DENND2A: variants seen among roughly 807,000 people sequenced by gnomAD.
The protein encoded by DENND2A is DENN domain-containing protein 2A.
A neutral mutation model predicts 105.3 loss-of-function variants in DENND2A; 53 were observed. The observed-to-expected ratio is 0.50, with a 90% CI of 0.40 to 0.63. The LOEUF is 0.63. Ranked by LOEUF, DENND2A falls within the 30% of genes least tolerant of loss-of-function variation. The pLI is 0.00. For missense variants in DENND2A, 1,138 were observed against 1,279.6 expected (o/e 0.89, Z 1.69); for synonymous variants, 522 against 508.4 (o/e 1.03, Z -0.36).
In DENND2A at chr7:140,519,094, C is replaced by T. The variant is rs190331642; in HGVS notation, c.2999-356G>A. Among the ~76,000 whole-genome samples, 193 of 152,304 alleles carry T rather than the reference C, an allele frequency of 1.3e-3. 1 individual carries two copies. Among genetic ancestry groups the T allele is most frequent in the Middle Eastern group, 0.01 (3 of 294 alleles). ...AACACTCTGCTTCCAGGTAGCCCTC[C>T]GTCCTGCAGGAGGCACAGATATGGC... is the stretch of plus-strand genomic sequence containing the variant. On this transcript the variant is annotated intron_variant, in intron 19 of 19. Coordinates refer to ENST00000496613, the MANE Select transcript of DENND2A (RefSeq NM_015689.5).
chr7:140,608,675 TAA>T (rs11358052), intron 1 of DENND2A, among the ~76,000 whole-genome samples: 7,970 of 137,412 alleles, frequency 0.058, 700 homozygotes, highest in African/African-American at 0.19. Flanking sequence ...GACTCTGTCT[TAA>T]AAAAAAAAAA....
chr7:140,619,189 T>C (rs1800191732), intron 1 of DENND2A, among the ~76,000 whole-genome samples: 1 of 152,210 alleles, frequency 6.6e-6, no homozygotes, highest in Admixed American at 6.6e-5. Context: ...CTGTTACTTA[T>C]AATATTGAAA....
chr7:140,594,925 A>G (rs1482725860), intron 3 of DENND2A, among the ~76,000 whole-genome samples: 1 of 152,078 alleles, frequency 6.6e-6, no homozygotes, highest in Non-Finnish European at 1.5e-5. Flanking sequence ...CATGTTGGCC[A>G]GGAAGGTCTC....
chr7:140,541,956 T>A (rs547735515), intron 14 of DENND2A, among the ~76,000 whole-genome samples: 2 of 152,244 alleles, frequency 1.3e-5, no homozygotes, highest in East Asian at 3.9e-4. Context: ...ATCTACGGAG[T>A]TTGTCCCTTC....
At chr7:140,529,882 T>C (rs938163909) in intron 14 of DENND2A, among the ~76,000 whole-genome samples, 7 of 152,096 alleles carry the variant, frequency 4.6e-5, no homozygotes, top group African/African-American at 1.7e-4. Flanking sequence ...ACATGGCACA[T>C]GTATACGTAT....
intron 14 of DENND2A, among the ~76,000 whole-genome samples, chr7:140,529,943 T>C (rs886096794): frequency 6.6e-6 from 1 of 150,668 alleles, no homozygotes. Flanking sequence ...AAAAGTATAA[T>C]AAAACAAAAC....
intron 14 of DENND2A, among the ~76,000 whole-genome samples, chr7:140,528,598 C>T (rs1307061206): frequency 3.3e-5 from 5 of 151,056 alleles, no homozygotes; most frequent in Non-Finnish European, 5.9e-5. Flanking sequence ...GGTGAAATTC[C>T]GTCTCCACTA....
chr7:140,541,215 G>A (rs1192359902), intron 14 of DENND2A, among the ~76,000 whole-genome samples: 2 of 152,010 alleles, frequency 1.3e-5, no homozygotes, highest in Non-Finnish European at 2.9e-5. Context: ...CAGTGAGACT[G>A]GTGTCTCACT....
chr7:140,543,022 C>T (rs914468614), intron 14 of DENND2A, among the ~76,000 whole-genome samples: 8 of 152,090 alleles, frequency 5.3e-5, no homozygotes, highest in Non-Finnish European at 8.8e-5. Flanking sequence ...GTCTCCAGAA[C>T]TCACTGCCTC....
intron 1 of DENND2A, among the ~76,000 whole-genome samples, chr7:140,614,447 G>A (rs1201779829): frequency 6.6e-6 from 1 of 152,036 alleles, no homozygotes; most frequent in Non-Finnish European, 1.5e-5. Flanking sequence ...TTTTCCCAGG[G>A]GTATCCTCAA....
At chr7:140,590,261 G>T (rs1798959851) in intron 3 of DENND2A, among the ~76,000 whole-genome samples, 1 of 152,080 alleles carries the variant, frequency 6.6e-6, no homozygotes, top group Admixed American at 6.5e-5. Context: ...ATGGTGGTGT[G>T]CACCTGTAAT....
intron 6 of DENND2A, among the ~76,000 whole-genome samples, chr7:140,572,751 CAA>C (rs59174097): frequency 3.5e-3 from 208 of 58,852 alleles, no homozygotes; most frequent in Middle Eastern, 0.012. Flanking sequence ...GAAACTCTGT[CAA>C]AAAAAAAAAA....
At position 140,519,360 on chromosome 7, in the gene DENND2A, T is replaced by C. The variant is rs145006736; in HGVS notation, c.2998+272A>G. On this transcript the variant is annotated intron_variant, in intron 19 of 19. Transcript: ENST00000496613. ...CCATGCTCCCTCAGCTCAGTTCCTCTGAGATTTAACAGTGCAGGAGATCAT... is the reference window on the plus strand; with the variant it reads ...CCATGCTCCCTCAGCTCAGTTCCTCCGAGATTTAACAGTGCAGGAGATCAT... Among the ~76,000 whole-genome samples, 785 of 152,272 alleles carry C rather than the reference T, an allele frequency of 5.2e-3. 7 individuals carry two copies. The highest frequency in any genetic ancestry group is 0.018 in the African/African-American group (731 of 41,550).
At chr7:140,577,479 C>G (rs111489917) in intron 5 of DENND2A, among the ~76,000 whole-genome samples, 2,072 of 151,636 alleles carry the variant, frequency 0.014, 44 homozygotes, top group African/African-American at 0.047. Flanking sequence ...CTAACTGCAA[C>G]CTCCACCTCG....
chr7:140,627,473 G>C (rs1285743123), intron 1 of DENND2A, among the ~76,000 whole-genome samples: 1 of 151,298 alleles, frequency 6.6e-6, no homozygotes, highest in African/African-American at 2.4e-5. Context: ...CTAAGTGCTG[G>C]GATTACAGGT....
At chr7:140,605,332 G>A (rs1309037551) in intron 2 of DENND2A, among the ~76,000 whole-genome samples, 3 of 152,196 alleles carry the variant, frequency 2.0e-5, no homozygotes, top group Non-Finnish European at 2.9e-5. Context: ...AAACAATCAC[G>A]CTGGTATTAG....
chr7:140,568,666 G>T, intron 8 of DENND2A, 97 bp downstream of exon 8: 1 of 1,312,588 alleles, frequency 7.6e-7, no homozygotes, highest in Non-Finnish European at 1.1e-6. Context: ...AGCAAGCTCC[G>T]GCAGGACGCT....
chr7:140,562,489 G>A (rs906496485), intron 9 of DENND2A, among the ~76,000 whole-genome samples: 1 of 151,992 alleles, frequency 6.6e-6, no homozygotes, highest in Non-Finnish European at 1.5e-5. Flanking sequence ...GTGAAACCCC[G>A]TCTCTACTAA....
At chr7:140,587,897 C>G in intron 3 of DENND2A, 117 bp from the exon 4 acceptor site, 1 of 1,112,276 alleles carries the variant, frequency 9.0e-7, no homozygotes. Flanking sequence ...AAAATTGTTA[C>G]CGAAATCAAC....
Sources: allele counts gnomAD v4.1 joint callset (sites outside exome capture counted in the v4.1 genomes callset), GRCh38; gene constraint gnomAD v4.1.1; transcripts MANE v1.5; gene names NCBI Gene and HGNC (gene_info 2026-07-23, HGNC 2026-07-21).